The following SLC16A10 variants were observed in gnomAD, a reference collection of about 807,000 sequenced individuals.
SLC16A10 encodes solute carrier family 16 member 10, also known as monocarboxylate transporter 10.
Under a neutral mutation model 40.0 loss-of-function variants are expected in SLC16A10, and 27 were observed. The observed-to-expected ratio is 0.67, with a 90% CI of 0.50 to 0.93. SLC16A10 has a LOEUF of 0.93. Ranked by LOEUF, SLC16A10 falls within the 40% of genes least tolerant of loss-of-function variation. SLC16A10 has a pLI of 0.00. For missense variants in SLC16A10, 529 were observed against 658.2 expected (o/e 0.80, Z 2.15); for synonymous variants, 213 against 249.8 (o/e 0.85, Z 1.39).
chr6:111,216,980 G>A lies in SLC16A10; in HGVS notation c.1087-1834G>A, dbSNP rs980996608. Among the ~76,000 whole-genome samples, 16 of 152,184 alleles carry A rather than the reference G, an allele frequency of 1.1e-4. No individual in the cohort carries two copies. The East Asian group carries it at 3.1e-3, about 29-fold the overall frequency. ...AGATTGTGAGTGGCTGCCCCGAGGT[G>A]TACTACCAACCTCCAGCTTCCGTAG... On this transcript the variant is annotated intron_variant, in intron 4 of 5. Transcript: ENST00000368851.
intron 1 of SLC16A10, among the ~76,000 whole-genome samples, chr6:111,088,801 C>G (rs1770921416): frequency 6.7e-6 from 1 of 150,104 alleles, no homozygotes; most frequent in Middle Eastern, 3.5e-3. Flanking sequence ...AAATTAGATA[C>G]AAAAGGTGCA....
intron 1 of SLC16A10, among the ~76,000 whole-genome samples, chr6:111,100,878 A>G (rs1164922173): frequency 2.6e-5 from 4 of 151,344 alleles, no homozygotes; most frequent in African/African-American, 7.3e-5. Context: ...GTTGTTATAT[A>G]TGTATGGGTA....
chr6:111,165,285 G>T (rs1772451618), intron 1 of SLC16A10, among the ~76,000 whole-genome samples: 1 of 152,208 alleles, frequency 6.6e-6, no homozygotes, highest in Admixed American at 6.5e-5. Flanking sequence ...AATGGGGTCA[G>T]TGGTGCCTCT....
intron 1 of SLC16A10, among the ~76,000 whole-genome samples, chr6:111,168,276 G>T (rs1321515492): frequency 6.6e-6 from 1 of 152,126 alleles, no homozygotes; most frequent in Non-Finnish European, 1.5e-5. Flanking sequence ...CAACACGCCT[G>T]GCCGTTTGCA....
intron 1 of SLC16A10, among the ~76,000 whole-genome samples, chr6:111,137,995 C>T (rs1040792115): frequency 2.0e-5 from 3 of 152,196 alleles, no homozygotes; most frequent in Admixed American, 6.5e-5. Flanking sequence ...GCGTTCTAGC[C>T]GGCAACGGCT....
intron 1 of SLC16A10, among the ~76,000 whole-genome samples, chr6:111,097,530 T>G (rs1771096014): frequency 6.6e-6 from 1 of 152,018 alleles, no homozygotes; most frequent in African/African-American, 2.4e-5. Flanking sequence ...GTCAGGCTGG[T>G]CTCGAACTCC....
rs1288987892 is a variant in SLC16A10, at chr6:111,222,382, A to C, written c.*147A>C. 7.6e-6 allele frequency: 8 copies of C among 1,045,948 alleles called. No homozygotes were observed. The highest frequency in any genetic ancestry group is 1.0e-5 in the Non-Finnish European group (8 of 772,948). The allele number at this position is 1,045,948 out of a possible 1,614,324, so 64.8% of individuals were successfully genotyped here. ...TGGGAAATAGAACCCTTATCACTAG[A>C]AGAACCATTTTCTGCCACTAAATAT... is the stretch of plus-strand genomic sequence containing the variant. On this transcript the variant is annotated 3_prime_UTR_variant, in exon 6 of 6. Transcript: ENST00000368851.
chr6:111,110,661 CT>C (rs1368009292), intron 1 of SLC16A10, among the ~76,000 whole-genome samples: 1 of 152,010 alleles, frequency 6.6e-6, no homozygotes, highest in Non-Finnish European at 1.5e-5. Flanking sequence ...AGTTTGGGAG[CT>C]GATTAGTGAT....
In SLC16A10 at chr6:111,107,226, TAACTTGTTACAACATGTCTG is replaced by T. The variant is rs1176663327; in HGVS notation, c.343+19155_343+19174del. ...TTTTTGAACCAAAATCAACTTGTAC[TAACTTGTTACAACATGTCTG>T]AACTTGTTACAACATGTCTGAACAG... On this transcript the variant is annotated intron_variant, in intron 1 of 5. Coordinates refer to ENST00000368851, the MANE Select transcript of SLC16A10 (RefSeq NM_018593.5). 3.9e-5 allele frequency among the ~76,000 whole-genome samples: 6 copies of T among 152,352 alleles called. No homozygotes were observed. The East Asian group carries it at 9.6e-4, about 24-fold the overall frequency.
At chr6:111,144,198 AATT>A (rs1176162852) in intron 1 of SLC16A10, among the ~76,000 whole-genome samples, 4 of 152,034 alleles carry the variant, frequency 2.6e-5, no homozygotes, top group East Asian at 1.9e-4. Context: ...AAAATATTTG[AATT>A]ATTATTATTA....
At chr6:111,146,642 C>G (rs951647300) in intron 1 of SLC16A10, among the ~76,000 whole-genome samples, 1 of 151,832 alleles carries the variant, frequency 6.6e-6, no homozygotes, top group Non-Finnish European at 1.5e-5. Flanking sequence ...GAGGCTGAGG[C>G]AGGAGAATGT....
At chr6:111,182,310 C>CTTTT (rs372963281) in intron 3 of SLC16A10, among the ~76,000 whole-genome samples, 11 of 103,628 alleles carry the variant, frequency 1.1e-4, no homozygotes, top group Admixed American at 3.6e-4. Flanking sequence ...CTCTGGGTTT[C>CTTTT]TTTTTTTTTT....
intron 1 of SLC16A10, among the ~76,000 whole-genome samples, chr6:111,095,632 G>T (rs1343218025): frequency 1.3e-5 from 2 of 152,172 alleles, no homozygotes; most frequent in Non-Finnish European, 2.9e-5. Context: ...CTTGTCATGG[G>T]AGGGAGGTAA....
intron 2 of SLC16A10, among the ~76,000 whole-genome samples, chr6:111,174,706 T>C (rs551002530): frequency 4.2e-4 from 64 of 152,298 alleles, no homozygotes; most frequent in Non-Finnish European, 7.8e-4. Context: ...AGGTACCTAT[T>C]GTCAGTACTT....
rs765233362 is a variant in SLC16A10 at position 111,088,021 on chromosome 6, C to T, written c.269C>T (p.Ala90Val). 1.1e-5 allele frequency: 18 copies of T among 1,609,628 alleles called. No homozygotes were observed. Among genetic ancestry groups the T allele is most frequent in the Admixed American group, 1.7e-5 (1 of 59,436 alleles). ...GGGTCGGTGTTCGGCATCCAGAACG[C>T]TTGCGGGGTGCTCTTCGTGTCCATG... is the stretch of plus-strand genomic sequence containing the variant. The part of the protein sequence containing the change: ...CNGSVFGIQN[A>V]CGVLFVSMLE... The change falls in exon 1 of 6, where the codon GCT becomes GTT. Residue 90 changes from alanine to valine, a missense_variant. Physicochemically the swap from Ala to Val is moderately conservative, Grantham distance 64. Coordinates refer to ENST00000368851, the MANE Select transcript of SLC16A10 (RefSeq NM_018593.5).
intron 1 of SLC16A10, among the ~76,000 whole-genome samples, chr6:111,134,063 C>T (rs117810733): frequency 0.019 from 2,879 of 152,214 alleles, 52 homozygotes; most frequent in Non-Finnish European, 0.031. Flanking sequence ...AACTGGAGCC[C>T]GAGAGTTTGG....
chr6:111,147,357 A>G (rs890485730), intron 1 of SLC16A10, among the ~76,000 whole-genome samples: 2 of 152,200 alleles, frequency 1.3e-5, no homozygotes, highest in African/African-American at 2.4e-5. Context: ...ATAAAAGCAA[A>G]ACTGTTCTAG....
intron 1 of SLC16A10, among the ~76,000 whole-genome samples, chr6:111,141,561 C>T (rs1416699222): frequency 2.0e-5 from 3 of 152,050 alleles, no homozygotes; most frequent in Admixed American, 6.5e-5. Flanking sequence ...ACTTGGGAGG[C>T]GGAGGCAGGA....
intron 4 of SLC16A10, among the ~76,000 whole-genome samples, chr6:111,209,572 A>G (rs560944134): frequency 1.3e-5 from 2 of 152,222 alleles, no homozygotes; most frequent in Non-Finnish European, 2.9e-5. Flanking sequence ...TAGTGTTTAG[A>G]GCTCATGGAA....
Sources: gnomAD v4.1 joint callset for allele counts (sites outside exome capture counted in the v4.1 genomes callset) on GRCh38, gnomAD v4.1.1 for gene constraint, MANE v1.5 for transcripts, NCBI Gene and HGNC (gene_info 2026-07-23, HGNC 2026-07-21) for gene names.